The following AGO1 variants were observed in gnomAD, a reference collection of about 807,000 sequenced individuals.
The protein encoded by AGO1 is argonaute RISC component 1.
A neutral mutation model predicts 109.2 loss-of-function variants in AGO1; 11 were observed. The observed-to-expected ratio is 0.10, with a 90% CI of 0.06 to 0.17. The LOEUF (loss-of-function observed/expected upper bound fraction) is 0.17, where lower values mean the gene tolerates loss of function less well. Among genes scored for constraint, AGO1 ranks in the 10% least tolerant of loss-of-function variants. The pLI, the probability that AGO1 is intolerant of heterozygous loss-of-function variation, is 1.00. For synonymous variants in AGO1, 422 were observed against 418.6 expected (o/e 1.01, Z -0.10); for missense variants, 574 against 1,140.3 (o/e 0.50, Z 7.15).
chr1:35,917,140 C>T lies in AGO1; in HGVS notation c.2029-453C>T, dbSNP rs627401. Among the ~76,000 whole-genome samples, 208 of 152,288 alleles carry T rather than the reference C, an allele frequency of 1.4e-3. 2 individuals carry two copies. Among genetic ancestry groups the T allele is most frequent in the African/African-American group, 4.5e-3 (189 of 41,568 alleles). Reference sequence around the variant, plus strand: ...TCCTGCTGCTTTGCAGGACTGAATTCACCTACTCTCTCTGCACCCATTATG... The same window carrying T: ...TCCTGCTGCTTTGCAGGACTGAATTTACCTACTCTCTCTGCACCCATTATG... On this transcript the variant is annotated intron_variant, in intron 15 of 18. Transcript: ENST00000373204.
chr1:35,888,728 A>G lies in AGO1; in HGVS notation c.209+118A>G. The G allele has an allele frequency of 8.9e-7, 1 of 1,128,048 alleles. No individual in the cohort carries two copies. The highest frequency in any genetic ancestry group is 1.2e-6 in the Non-Finnish European group (1 of 808,578). The allele number at this position is 1,128,048 out of a possible 1,614,324, so 69.9% of individuals were successfully genotyped here. On this transcript the variant is annotated intron_variant, in intron 2 of 18. Coordinates refer to ENST00000373204, the MANE Select transcript of AGO1 (RefSeq NM_012199.5). This position sits in a 1 kb window ranked among gnomAD's most constrained non-coding sequence, Gnocchi z 4.1. The stretch of plus-strand genomic sequence containing the variant: ...ATCACCAAATCTAAGGAAGTTTTTG[A>G]ACGGGAGATGCCACGTCGGGTAAAT...
chr1:35,876,237 A>G (rs1295856761), intron 1 of AGO1, among the ~76,000 whole-genome samples: 1 of 152,054 alleles, frequency 6.6e-6, no homozygotes, highest in Admixed American at 6.5e-5. Context: ...AAACTTGAAC[A>G]GATGAGGAAA....
chr1:35,914,241 A>G lies in AGO1; in HGVS notation c.1800A>G (p.Pro600=), dbSNP rs149707892. 3 of 1,614,060 alleles carry G rather than the reference A, an allele frequency of 1.9e-6. No individual in the cohort carries two copies. Among genetic ancestry groups the G allele is most frequent in the Non-Finnish European group, 2.5e-6 (3 of 1,180,006 alleles). ...IFLGADVTHP[P]AGDGKKPSIT... is the part of the protein sequence containing the mutation. ...TGGGAGCAGATGTTACACACCCCCC[A>G]GCAGGGGATGGGAAAAAACCTTCTA... The change falls in exon 14 of 19, where the codon CCA becomes CCG. Residue 600 remains proline, a synonymous_variant. Coordinates refer to ENST00000373204, the MANE Select transcript of AGO1 (RefSeq NM_012199.5).
At chr1:35,914,372 C>T in intron 14 of AGO1, 98 bp downstream of exon 14, 8 of 954,836 alleles carry the variant, frequency 8.4e-6, no homozygotes, top group South Asian at 8.3e-5. Flanking sequence ...GGCTCTTGAG[C>T]CTTCATAAGA....
chr1:35,890,046 G>A (rs1219670182), intron 2 of AGO1, among the ~76,000 whole-genome samples: 7 of 149,018 alleles, frequency 4.7e-5, no homozygotes, highest in Admixed American at 1.3e-4. Flanking sequence ...TTTTTGAGAC[G>A]GAGTTTCACT....
upstream of AGO1, among the ~76,000 whole-genome samples, chr1:35,878,606 A>T (rs908693238): frequency 6.6e-6 from 1 of 152,134 alleles, no homozygotes; most frequent in African/African-American, 2.4e-5. Context: ...TGGAGTAGCA[A>T]ATGTCCAATA....
At chr1:35,892,733 C>A in intron 3 of AGO1, 56 bp downstream of exon 3, 1 of 1,608,310 alleles carries the variant, frequency 6.2e-7, no homozygotes, top group South Asian at 1.1e-5. Context: ...GAACCAAGCT[C>A]ATGTAAGCCT....
At chr1:35,881,663 G>T (rs1645038489), upstream of AGO1, among the ~76,000 whole-genome samples, 1 of 152,190 alleles carries the variant, frequency 6.6e-6, no homozygotes, top group African/African-American at 2.4e-5. Flanking sequence ...GATTCTGATG[G>T]TTGCTGTTTG....
At chr1:35,914,955 G>C (rs1053166955) in intron 14 of AGO1, among the ~76,000 whole-genome samples, 4 of 152,132 alleles carry the variant, frequency 2.6e-5, no homozygotes, top group African/African-American at 9.7e-5. Context: ...GGGTAGATTA[G>C]CATTTGAATG....
At chr1:35,900,623 A>G (rs950017131) in intron 8 of AGO1, among the ~76,000 whole-genome samples, 1 of 152,190 alleles carries the variant, frequency 6.6e-6, no homozygotes, top group Non-Finnish European at 1.5e-5. Context: ...GCTACTTGGA[A>G]CGCTGAGGCA....
intron 1 of AGO1, among the ~76,000 whole-genome samples, chr1:35,875,415 T>A (rs1265686610): frequency 6.6e-6 from 1 of 152,066 alleles, no homozygotes; most frequent in Non-Finnish European, 1.5e-5. Context: ...GTTTACTGAT[T>A]TATTTATTTA....
rs1645422860 is a variant in AGO1, at chr1:35,901,878, T to C, written c.1141-70T>C. The C allele has an allele frequency of 4.6e-6, 7 of 1,524,806 alleles. 1 individual carries two copies. The South Asian group carries it at 9.2e-5, about 20-fold the overall frequency. 94.5% of individuals were successfully genotyped at this position (1,524,806 alleles called of 1,614,324 possible). A position where few individuals can be genotyped will look rare whatever the true frequency, so the allele number is the denominator to read the frequency against. ...CCAGCTTCTCCTTAGGGTTCTCTCC[T>C]TGATACCCAGAGGGTGAGCAGTATT... is the stretch of plus-strand genomic sequence containing the variant. On this transcript the variant is annotated intron_variant, in intron 9 of 18. Transcript: ENST00000373204. The surrounding 1 kb of genome is among the most constrained non-coding windows in gnomAD (Gnocchi z 4.8).
At chr1:35,871,411 C>T (rs1384415287) in intron 1 of AGO1, among the ~76,000 whole-genome samples, 9 of 151,536 alleles carry the variant, frequency 5.9e-5, no homozygotes, top group Admixed American at 4.6e-4. Context: ...GGTATGGTGG[C>T]GCACACTTGT....
chr1:35,898,955 A>G (rs1034511485), intron 8 of AGO1, among the ~76,000 whole-genome samples: 1 of 152,228 alleles, frequency 6.6e-6, no homozygotes, highest in Non-Finnish European at 1.5e-5. Flanking sequence ...CTGTGGCATT[A>G]AATACATTCA....
chr1:35,888,707 C>G lies in AGO1; in HGVS notation c.209+97C>G, dbSNP rs1196622743. 7.3e-7 allele frequency: 1 copy of G among 1,379,306 alleles called. No homozygotes were observed. The highest frequency in any genetic ancestry group is 9.8e-7 in the Non-Finnish European group (1 of 1,022,660). 85.4% of individuals were successfully genotyped at this position (1,379,306 alleles called of 1,614,324 possible). A position where few individuals can be genotyped will look rare whatever the true frequency, so the allele number is the denominator to read the frequency against. ...GAAAAACCAGTAGAGGGTAGTATCACCAAATCTAAGGAAGTTTTTGAACGG... is the reference window on the plus strand; with the variant it reads ...GAAAAACCAGTAGAGGGTAGTATCAGCAAATCTAAGGAAGTTTTTGAACGG... On this transcript the variant is annotated intron_variant, in intron 2 of 18. Coordinates refer to ENST00000373204, the MANE Select transcript of AGO1 (RefSeq NM_012199.5). This position sits in a 1 kb window ranked among gnomAD's most constrained non-coding sequence, Gnocchi z 4.1.
chr1:35,871,769 TA>T (rs535598391), intron 1 of AGO1, among the ~76,000 whole-genome samples: 13 of 148,636 alleles, frequency 8.7e-5, no homozygotes, highest in East Asian at 4.0e-4. Flanking sequence ...ACTTTTGCCT[TA>T]AAAAAAAAAT....
At chr1:35,872,142 T>C (rs534897389) in intron 1 of AGO1, among the ~76,000 whole-genome samples, 6 of 151,818 alleles carry the variant, frequency 4.0e-5, no homozygotes, top group Non-Finnish European at 7.4e-5. Context: ...CTGTACCATT[T>C]GATTTTATTT....
intron 11 of AGO1, 36 bp from the exon 12 acceptor site, chr1:35,906,899 A>T: frequency 6.3e-7 from 1 of 1,575,398 alleles, no homozygotes; most frequent in Non-Finnish European, 8.7e-7. Context: ...TTCAAGTGAG[A>T]CTCACTGCCT....
chr1:35,897,526 G>A (rs1026740825), intron 8 of AGO1, among the ~76,000 whole-genome samples: 10 of 151,998 alleles, frequency 6.6e-5, no homozygotes, highest in African/African-American at 2.4e-4. Flanking sequence ...ACTGTTTTTT[G>A]GAAAAGCTTT....
Sources: gnomAD v4.1 joint callset for allele counts (sites outside exome capture counted in the v4.1 genomes callset) on GRCh38, gnomAD v4.1.1 for gene constraint, Gnocchi (gnomAD v3.1) non-coding constraint, MANE v1.5 for transcripts, NCBI Gene and HGNC (gene_info 2026-07-23, HGNC 2026-07-21) for gene names.